The following PAMR1 variants were observed in gnomAD, a reference collection of about 807,000 sequenced individuals.
PAMR1 encodes the protein inactive serine protease PAMR1.
Under a neutral mutation model 81.8 loss-of-function variants are expected in PAMR1, and 88 were observed. The observed-to-expected ratio is 1.08, with a 90% CI of 0.91 to 1.28. The LOEUF is 1.28. Among genes scored for constraint, PAMR1 ranks in the 50% most tolerant of loss-of-function variants. PAMR1 has a pLI of 0.00. For synonymous variants in PAMR1, 336 were observed against 345.3 expected (o/e 0.97, Z 0.30); for missense variants, 935 against 919.7 (o/e 1.02, Z -0.21).
intron 10 of PAMR1, among the ~76,000 whole-genome samples, chr11:35,433,314 G>A (rs1252386168): frequency 6.6e-6 from 1 of 152,216 alleles, no homozygotes; most frequent in Non-Finnish European, 1.5e-5. Context: ...GCACCATCAA[G>A]GCACAAACCC....
Position 35,435,885 on chromosome 11 carries a change from G to C in PAMR1, c.1333+18C>G. ...AAAGATTGAGCATGCTCAAGCCCAA[G>C]AATGAGCCTTGACTCACTAGGGATG... On this transcript the variant is annotated intron_variant, in intron 9 of 10. Transcript: ENST00000619888. The C allele has an allele frequency of 6.4e-7, 1 of 1,573,762 alleles. No homozygotes were observed. Among genetic ancestry groups the C allele is most frequent in the Non-Finnish European group, 8.7e-7 (1 of 1,143,468 alleles).
intron 6 of PAMR1, among the ~76,000 whole-genome samples, chr11:35,460,729 G>A (rs1026060785): frequency 2.6e-5 from 4 of 152,104 alleles, no homozygotes; most frequent in African/African-American, 9.7e-5. Context: ...TATCATTGTT[G>A]GACATTTGGG....
intron 1 of PAMR1, 132 bp from the exon 2 acceptor site, chr11:35,494,404 G>T: frequency 1.4e-6 from 1 of 705,606 alleles, no homozygotes; most frequent in Non-Finnish European, 2.4e-6. Flanking sequence ...CGCGATCTCG[G>T]CTCACTGTAA....
rs199686522 is a variant in PAMR1, at chr11:35,441,704, G to A, written c.821-11C>T. ...TTCTTTCTTCAAGGACTAAAAGAAAGTAAAAGAAAAGGAGAATTGTTAAAA... is the reference window on the plus strand; with the variant it reads ...TTCTTTCTTCAAGGACTAAAAGAAAATAAAAGAAAAGGAGAATTGTTAAAA... On this transcript the variant is annotated splice_polypyrimidine_tract_variant and intron_variant, in intron 6 of 10. Coordinates refer to ENST00000619888, the MANE Select transcript of PAMR1 (RefSeq NM_001001991.3). The A allele has an allele frequency of 3.2e-6, 5 of 1,566,096 alleles. No homozygotes were observed. The African/African-American group carries it at 5.5e-5, about 17-fold the overall frequency.
intron 1 of PAMR1, among the ~76,000 whole-genome samples, chr11:35,520,058 G>A (rs551137435): frequency 2.0e-5 from 3 of 152,232 alleles, no homozygotes; most frequent in African/African-American, 7.2e-5. Context: ...AAGCATATAC[G>A]GGAGTGCCTA....
intron 1 of PAMR1, among the ~76,000 whole-genome samples, chr11:35,506,116 TAAA>T (rs200736970): frequency 4.8e-5 from 7 of 146,056 alleles, no homozygotes; most frequent in East Asian, 2.0e-4. Flanking sequence ...CTTAGATCAC[TAAA>T]AAAAAAAAAC....
upstream of PAMR1, chr11:35,525,888 T>A: frequency 2.1e-6 from 1 of 474,748 alleles, no homozygotes. Context: ...CCAGCCTGGG[T>A]ACAGGTGGGG....
chr11:35,445,380 G>A (rs1460862928), intron 6 of PAMR1, among the ~76,000 whole-genome samples: 1 of 138,776 alleles, frequency 7.2e-6, no homozygotes, highest in Non-Finnish European at 1.6e-5. Flanking sequence ...GTACTGTGTT[G>A]AATAGGAGTG....
intron 5 of PAMR1, among the ~76,000 whole-genome samples, chr11:35,469,474 T>C (rs533827305): frequency 8.1e-4 from 123 of 152,330 alleles, no homozygotes; most frequent in South Asian, 2.5e-3. Context: ...GCTCAGCCTA[T>C]ACCTGCAGGG....
At chr11:35,512,614 A>G (rs1851093673) in intron 1 of PAMR1, among the ~76,000 whole-genome samples, 1 of 152,182 alleles carries the variant, frequency 6.6e-6, no homozygotes, top group African/African-American at 2.4e-5. Context: ...GCGAGTCACT[A>G]AACTTCTTAG....
At chr11:35,463,625 G>A (rs114316596) in intron 6 of PAMR1, among the ~76,000 whole-genome samples, 176 of 152,320 alleles carry the variant, frequency 1.2e-3, no homozygotes, top group African/African-American at 3.1e-3. Flanking sequence ...AAGGAGGCTG[G>A]AGGTTGCTGA....
chr11:35,434,701 G>C lies in PAMR1; in HGVS notation c.1437C>G (p.Ser479Arg). 6.2e-7 allele frequency: 1 copy of C among 1,614,088 alleles called. No homozygotes were observed. The highest frequency in any genetic ancestry group is 8.5e-7 in the Non-Finnish European group (1 of 1,179,986). Residue 479 changes from serine (S) to arginine (R), a missense_variant, in exon 10 of 11, where the codon AGC (serine) becomes AGG (arginine). Ser to Arg is a moderately radical substitution (Grantham distance 110). Transcript: ENST00000619888. ...CTAGGAACCACGCTCCCTTGTGTAG[G>C]CTGCCGTCATGCACCCCGCTGGTCC... is the stretch of plus-strand genomic sequence containing the variant. ...YRRTSGVHDG[S>R]LHKGAWFLVC...
chr11:35,435,695 C>A (rs1030170679), intron 9 of PAMR1, among the ~76,000 whole-genome samples: 2 of 152,030 alleles, frequency 1.3e-5, no homozygotes, highest in African/African-American at 2.4e-5. Flanking sequence ...CACCCAAGAA[C>A]GCATGCCTCT....
At chr11:35,455,967 C>T (rs1433542076) in intron 6 of PAMR1, among the ~76,000 whole-genome samples, 2 of 151,420 alleles carry the variant, frequency 1.3e-5, no homozygotes, top group Non-Finnish European at 2.9e-5. Flanking sequence ...CAGATTTTTA[C>T]CCAACACAAT....
chr11:35,435,624 T>C lies in PAMR1; in HGVS notation c.1333+279A>G, dbSNP rs139459748. ...TATAACTTGAGGCCCTCTGGCACCT[T>C]TAACCCCTTTCCCCACTTGGTGACT... is the stretch of plus-strand genomic sequence containing the variant. On this transcript the variant is annotated intron_variant, in intron 9 of 10. Coordinates refer to ENST00000619888, the MANE Select transcript of PAMR1 (RefSeq NM_001001991.3). Among the ~76,000 whole-genome samples the C allele has an allele frequency of 4.6e-5, 7 of 152,306 alleles. No homozygotes were observed. The East Asian group carries it at 1.4e-3, about 29-fold the overall frequency.
intron 3 of PAMR1, among the ~76,000 whole-genome samples, chr11:35,478,842 G>A (rs4277086): frequency 0.28 from 41,943 of 151,804 alleles, 6,018 homozygotes; most frequent in African/African-American, 0.35. Context: ...GGGCGTGTGT[G>A]TGTGTGTGTG....
chr11:35,494,547 A>G (rs1850690213), intron 1 of PAMR1, among the ~76,000 whole-genome samples: 1 of 152,068 alleles, frequency 6.6e-6, no homozygotes, highest in Non-Finnish European at 1.5e-5. Flanking sequence ...GTTAGCCAGG[A>G]TGGTCTCGAT....
Position 35,432,351 on chromosome 11 carries a change from A to G in PAMR1, c.*5T>C. The G allele has an allele frequency of 6.2e-7, 1 of 1,606,490 alleles. No individual in the cohort carries two copies. Among genetic ancestry groups the G allele is most frequent in the South Asian group, 1.1e-5 (1 of 90,932 alleles). ...AACACTTCTCAAGGAGTGCATGAGC[A>G]TGGTTCATTTCATATTTCTTTCAAT... On this transcript the variant is annotated 3_prime_UTR_variant, in exon 11 of 11. Coordinates refer to ENST00000619888, the MANE Select transcript of PAMR1 (RefSeq NM_001001991.3).
chr11:35,470,828 G>A lies in PAMR1; in HGVS notation c.495-10C>T, dbSNP rs565078894. The A allele has an allele frequency of 1.9e-6, 3 of 1,605,040 alleles. No homozygotes were observed. The African/African-American group carries it at 4.0e-5, about 21-fold the overall frequency. On this transcript the variant is annotated splice_polypyrimidine_tract_variant and intron_variant, in intron 4 of 10. Transcript: ENST00000619888. ...GCTCAACATGACAAATCTGTGGGTG[G>A]ACAGGGTGACGGAGGGAAGCAGATG...
Sources: gnomAD v4.1 joint callset for allele counts (sites outside exome capture counted in the v4.1 genomes callset) on GRCh38, gnomAD v4.1.1 for gene constraint, MANE v1.5 for transcripts, NCBI Gene and HGNC (gene_info 2026-07-23, HGNC 2026-07-21) for gene names.